Variants in TOX observed in about 807,000 individuals in gnomAD.
TOX encodes thymocyte selection-associated high mobility group box protein TOX.
A neutral mutation model predicts 53.7 loss-of-function variants in TOX; 11 were observed. The ratio of observed to expected loss-of-function variants is 0.20; its 90% confidence interval spans 0.13 to 0.34. TOX has a LOEUF of 0.34. Ranked by LOEUF, TOX falls within the 10% of genes least tolerant of loss-of-function variation. TOX has a pLI of 1.00. For synonymous variants in TOX, 225 were observed against 245.3 expected (o/e 0.92, Z 0.77); for missense variants, 570 against 664.6 (o/e 0.86, Z 1.56).
At chr8:59,055,244 T>A (rs939707141) in intron 1 of TOX, among the ~76,000 whole-genome samples, 6 of 152,128 alleles carry the variant, frequency 3.9e-5, no homozygotes, top group Non-Finnish European at 8.8e-5. Flanking sequence ...ACAAGCACTG[T>A]TGTAAAGCAA....
chr8:58,813,716 A>G (rs1396007982), intron 7 of TOX, among the ~76,000 whole-genome samples: 1 of 152,210 alleles, frequency 6.6e-6, no homozygotes, highest in Non-Finnish European at 1.5e-5. Flanking sequence ...TGCAGATAAG[A>G]AAATCATCAT....
At chr8:59,017,002 A>C (rs556720474) in intron 1 of TOX, among the ~76,000 whole-genome samples, 300 of 152,278 alleles carry the variant, frequency 2.0e-3, no homozygotes, top group Non-Finnish European at 3.2e-3. Context: ...GAAGATGTCT[A>C]CATTGCTCCT....
At chr8:58,817,265 T>G (rs755379962) in intron 6 of TOX, among the ~76,000 whole-genome samples, 1 of 152,072 alleles carries the variant, frequency 6.6e-6, no homozygotes, top group African/African-American at 2.4e-5. Flanking sequence ...GGAACAAACA[T>G]ATAGACTCCC....
At chr8:59,053,275 A>C (rs1803827963) in intron 1 of TOX, among the ~76,000 whole-genome samples, 1 of 152,172 alleles carries the variant, frequency 6.6e-6, no homozygotes. Flanking sequence ...CTATCTTTTA[A>C]TATGTTACAA....
chr8:58,932,607 A>G (rs1236420842), intron 3 of TOX, among the ~76,000 whole-genome samples: 1 of 152,238 alleles, frequency 6.6e-6, no homozygotes, highest in Non-Finnish European at 1.5e-5. Flanking sequence ...TTTTAAAAAC[A>G]GCAATCAAAT....
chr8:58,879,819 A>G (rs1811352629), intron 3 of TOX, among the ~76,000 whole-genome samples: 1 of 152,206 alleles, frequency 6.6e-6, no homozygotes, highest in African/African-American at 2.4e-5. Context: ...CTCAGAATAC[A>G]TATTTTAATC....
At chr8:58,895,382 A>G (rs1811626735) in intron 3 of TOX, among the ~76,000 whole-genome samples, 1 of 152,238 alleles carries the variant, frequency 6.6e-6, no homozygotes, top group Non-Finnish European at 1.5e-5. Flanking sequence ...ATATAAGCAA[A>G]CGTATAAATA....
Position 59,117,553 on chromosome 8 carries a change from G to T in TOX, c.102+1333C>A, listed in dbSNP as rs76194836. On this transcript the variant is annotated intron_variant, in intron 1 of 8. Coordinates refer to ENST00000361421, the MANE Select transcript of TOX (RefSeq NM_014729.3). The surrounding 1 kb of genome is among the most constrained non-coding windows in gnomAD (Gnocchi z 4.6). Reference sequence around the variant, plus strand: ...GAAGTGTGTGTGTGAGAGCCTGCCTGTGTGTCAACACTGTCCAAGACTCGG... The same window carrying T: ...GAAGTGTGTGTGTGAGAGCCTGCCTTTGTGTCAACACTGTCCAAGACTCGG... Among the ~76,000 whole-genome samples the T allele has an allele frequency of 0.019, 2,905 of 152,350 alleles. 46 individuals carry two copies. Among genetic ancestry groups the T allele is most frequent in the Non-Finnish European group, 0.027 (1,835 of 68,030 alleles).
chr8:58,872,112 A>T (rs1811208569), intron 3 of TOX, among the ~76,000 whole-genome samples: 1 of 152,126 alleles, frequency 6.6e-6, no homozygotes, highest in African/African-American at 2.4e-5. Flanking sequence ...AAAACCAAAC[A>T]ATATACACAC....
At chr8:58,940,339 GT>G (rs796752925) in intron 2 of TOX, among the ~76,000 whole-genome samples, 2,144 of 146,942 alleles carry the variant, frequency 0.015, 55 homozygotes, top group African/African-American at 0.047. Flanking sequence ...ACATATGTGG[GT>G]TTTTTTTTTT....
chr8:58,957,403 C>T (rs867403548), intron 2 of TOX, among the ~76,000 whole-genome samples: 4 of 152,240 alleles, frequency 2.6e-5, no homozygotes, highest in Middle Eastern at 6.8e-3. Flanking sequence ...AATTTAAAAG[C>T]TGCCTATCAG....
chr8:58,930,777 T>C (rs568479097), intron 3 of TOX, among the ~76,000 whole-genome samples: 2 of 152,254 alleles, frequency 1.3e-5, no homozygotes, highest in African/African-American at 4.8e-5. Flanking sequence ...CAGTCCTATG[T>C]CTTCTTTATC....
intron 1 of TOX, among the ~76,000 whole-genome samples, chr8:59,065,433 G>C (rs1004549517): frequency 1.3e-5 from 2 of 152,096 alleles, no homozygotes; most frequent in African/African-American, 4.8e-5. Context: ...CAGATAACAA[G>C]TTTTGTTATT....
At chr8:59,078,938 G>A (rs1804342605) in intron 1 of TOX, among the ~76,000 whole-genome samples, 1 of 152,328 alleles carries the variant, frequency 6.6e-6, no homozygotes, top group Middle Eastern at 3.4e-3. Context: ...TACAGCAAAG[G>A]TCCCATGTGG....
intron 3 of TOX, among the ~76,000 whole-genome samples, chr8:58,891,813 A>C (rs1404664582): frequency 6.6e-6 from 1 of 152,180 alleles, no homozygotes; most frequent in Non-Finnish European, 1.5e-5. Context: ...TCCTAGATGC[A>C]GTGTAGCTGT....
chr8:58,901,333 C>T (rs1279096070), intron 3 of TOX, among the ~76,000 whole-genome samples: 1 of 152,148 alleles, frequency 6.6e-6, no homozygotes, highest in African/African-American at 2.4e-5. Flanking sequence ...TATCAACCAG[C>T]CATTTCATTC....
At chr8:59,079,530 A>T (rs1804359489) in intron 1 of TOX, among the ~76,000 whole-genome samples, 1 of 152,188 alleles carries the variant, frequency 6.6e-6, no homozygotes, top group South Asian at 2.1e-4. Flanking sequence ...GCTTCAGAGG[A>T]TGCAAACTGT....
chr8:59,041,927 G>C (rs1293807090), intron 1 of TOX, among the ~76,000 whole-genome samples: 1 of 152,116 alleles, frequency 6.6e-6, no homozygotes, highest in Non-Finnish European at 1.5e-5. Flanking sequence ...CCTGAGTTAT[G>C]TTATGTACGT....
At chr8:59,032,442 T>C (rs972820969) in intron 1 of TOX, among the ~76,000 whole-genome samples, 3 of 152,212 alleles carry the variant, frequency 2.0e-5, no homozygotes, top group African/African-American at 7.2e-5. Context: ...TGTTTTCAGT[T>C]TTGTGACAGC....
Sources: allele counts gnomAD v4.1 joint callset (sites outside exome capture counted in the v4.1 genomes callset), GRCh38; gene constraint gnomAD v4.1.1; non-coding constraint Gnocchi (gnomAD v3.1); transcripts MANE v1.5; gene names NCBI Gene and HGNC (gene_info 2026-07-23, HGNC 2026-07-21).